The following EML4 variants were observed in gnomAD, a reference collection of about 807,000 sequenced individuals.
The protein encoded by EML4 is EMAP like 4.
In EML4, 72 loss-of-function variants were observed where a neutral mutation model predicts 129.0. The observed-to-expected ratio is 0.56, with a 90% CI of 0.46 to 0.68. EML4 has a LOEUF of 0.68. Ranked by LOEUF, EML4 falls within the 30% of genes least tolerant of loss-of-function variation. EML4 has a pLI of 0.00. For missense variants in EML4, 1,363 were observed against 1,190.6 expected, an observed-to-expected ratio of 1.14 and a Z score of -2.13; for synonymous variants, 532 against 405.0, an observed-to-expected ratio of 1.31 and a Z score of -3.77.
chr2:42,295,856 G>T lies in EML4; in HGVS notation c.1489+340G>T, dbSNP rs1054176073. 2.6e-5 allele frequency among the ~76,000 whole-genome samples: 4 copies of T among 152,146 alleles called. No homozygotes were observed. The South Asian group carries it at 8.3e-4, about 32-fold the overall frequency. On this transcript the variant is annotated intron_variant, in intron 13 of 22. Transcript: ENST00000318522. ...GATATCTGTTAGAGCAGAATGCATGGCCATGTGATAAAATGGAAGAGTGGA... is the reference window on the plus strand; with the variant it reads ...GATATCTGTTAGAGCAGAATGCATGTCCATGTGATAAAATGGAAGAGTGGA...
chr2:42,188,542 CTTTTAAAA>C (rs929772491), intron 1 of EML4, among the ~76,000 whole-genome samples: 1 of 143,826 alleles, frequency 7.0e-6, no homozygotes, highest in Admixed American at 6.8e-5. Context: ...TTAGGGTTTA[CTTTTAAAA>C]TTACTTTTTT....
intron 1 of EML4, among the ~76,000 whole-genome samples, chr2:42,219,267 A>G (rs192431289): frequency 6.6e-6 from 1 of 152,182 alleles, no homozygotes; most frequent in Non-Finnish European, 1.5e-5. Flanking sequence ...TTTTCAACCA[A>G]ACGTGGATTG....
chr2:42,212,131 C>G (rs1270445953), intron 1 of EML4, among the ~76,000 whole-genome samples: 1 of 152,126 alleles, frequency 6.6e-6, no homozygotes, highest in Non-Finnish European at 1.5e-5. Flanking sequence ...CAGGTGTGAG[C>G]TACCGTGCCT....
intron 1 of EML4, among the ~76,000 whole-genome samples, chr2:42,198,817 T>G (rs910759450): frequency 2.6e-5 from 4 of 152,170 alleles, no homozygotes; most frequent in African/African-American, 9.7e-5. Flanking sequence ...TGGTTTCTGT[T>G]GTGTGTATGT....
intron 11 of EML4, among the ~76,000 whole-genome samples, chr2:42,293,046 A>G (rs917490182): frequency 2.6e-5 from 4 of 152,166 alleles, no homozygotes; most frequent in African/African-American, 9.7e-5. Flanking sequence ...ATATAGTTCT[A>G]TACTACTGCA....
At chr2:42,216,604 T>A (rs1673208794) in intron 1 of EML4, among the ~76,000 whole-genome samples, 1 of 152,194 alleles carries the variant, frequency 6.6e-6, no homozygotes. Context: ...CTACTCTCAT[T>A]AATATGTTAC....
At chr2:42,179,654 G>A (rs1670813420) in intron 1 of EML4, among the ~76,000 whole-genome samples, 1 of 152,146 alleles carries the variant, frequency 6.6e-6, no homozygotes, top group Non-Finnish European at 1.5e-5. Flanking sequence ...CCAGGCTGGG[G>A]TGCGGTGGCA....
intron 11 of EML4, among the ~76,000 whole-genome samples, chr2:42,290,554 C>CT (rs1160103991): frequency 6.7e-5 from 10 of 148,476 alleles, no homozygotes; most frequent in African/African-American, 2.5e-4. Flanking sequence ...ATAATGAGAC[C>CT]TTGTCTCTAC....
Position 42,303,102 on chromosome 2 carries a change from A to G in EML4, c.1642-2A>G. The G allele has an allele frequency of 6.2e-7, 1 of 1,610,314 alleles. No homozygotes were observed. The highest frequency in any genetic ancestry group is 8.5e-7 in the Non-Finnish European group (1 of 1,178,964). On this transcript the variant is annotated splice_acceptor_variant, in intron 14 of 22. Transcript: ENST00000318522. LOFTEE classifies it high-confidence loss of function. ...ATGGTGACTTTACACTTTTTTTTCT[A>G]GGTTCCTGATCAGTATGGCACAATC...
chr2:42,287,294 T>A (rs1667360975), intron 10 of EML4, among the ~76,000 whole-genome samples: 1 of 152,170 alleles, frequency 6.6e-6, no homozygotes, highest in South Asian at 2.1e-4. Flanking sequence ...GAAGGACATT[T>A]AGAAAAGGAG....
chr2:42,277,568 A>AT (rs1666725119), intron 6 of EML4, among the ~76,000 whole-genome samples: 1 of 135,386 alleles, frequency 7.4e-6, no homozygotes, highest in Non-Finnish European at 1.6e-5. Context: ...AACAAGCACA[A>AT]CCTTTTTTTT....
chr2:42,279,749 C>T (rs1666899832), intron 6 of EML4, among the ~76,000 whole-genome samples: 1 of 151,636 alleles, frequency 6.6e-6, no homozygotes, highest in African/African-American at 2.4e-5. Flanking sequence ...GCTGGAATTA[C>T]AGGCGTGAGC....
At chr2:42,293,169 C>G (rs1318069025) in intron 11 of EML4, among the ~76,000 whole-genome samples, 2 of 150,826 alleles carry the variant, frequency 1.3e-5, no homozygotes, top group African/African-American at 4.9e-5. Context: ...AGTGCAGTGG[C>G]TTAATCACAG....
intron 17 of EML4, among the ~76,000 whole-genome samples, chr2:42,310,910 G>C (rs927730085): frequency 6.6e-6 from 1 of 152,000 alleles, no homozygotes; most frequent in African/African-American, 2.4e-5. Flanking sequence ...CAATGAAAAG[G>C]GGTGAGAACT....
At chr2:42,281,016 C>A in intron 7 of EML4, 43 bp downstream of exon 7, 1 of 1,473,262 alleles carries the variant, frequency 6.8e-7, no homozygotes. Flanking sequence ...TGCTTTGTCT[C>A]TAGTTAACAA....
chr2:42,169,716 C>A lies in EML4; in HGVS notation c.25+80C>A, dbSNP rs964799682. 3 of 1,492,436 alleles carry A rather than the reference C, an allele frequency of 2.0e-6. No homozygotes were observed. The African/African-American group carries it at 4.3e-5, about 21-fold the overall frequency. The allele number at this position is 1,492,436 out of a possible 1,614,324, so 92.4% of individuals were successfully genotyped here. On this transcript the variant is annotated intron_variant, in intron 1 of 22. Transcript: ENST00000318522. ...TTCCGCACACAGCCCAGGCCCTGCCCTCCCGCCTGCCCCTCGGGGTGGCAG... is the reference window on the plus strand; with the variant it reads ...TTCCGCACACAGCCCAGGCCCTGCCATCCCGCCTGCCCCTCGGGGTGGCAG...
chr2:42,209,228 T>A (rs1394849116), intron 1 of EML4, among the ~76,000 whole-genome samples: 1 of 152,180 alleles, frequency 6.6e-6, no homozygotes, highest in East Asian at 1.9e-4. Context: ...TTTTAGACAA[T>A]TATGTTAACT....
chr2:42,250,207 A>C (rs956965889), intron 2 of EML4, among the ~76,000 whole-genome samples: 4 of 152,252 alleles, frequency 2.6e-5, no homozygotes, highest in Non-Finnish European at 5.9e-5. Context: ...CAAAGTGTGA[A>C]GCATTGTAAT....
At chr2:42,200,928 C>T (rs1053800326) in intron 1 of EML4, among the ~76,000 whole-genome samples, 3 of 152,174 alleles carry the variant, frequency 2.0e-5, no homozygotes, top group Admixed American at 2.0e-4. Context: ...TCCACTTCCC[C>T]TGTTCTCCAT....
Sources: gnomAD v4.1 joint callset for allele counts (sites outside exome capture counted in the v4.1 genomes callset) on GRCh38, gnomAD v4.1.1 for gene constraint, MANE v1.5 for transcripts, NCBI Gene and HGNC (gene_info 2026-07-23, HGNC 2026-07-21) for gene names.